The following PCDHA4 variants were observed in gnomAD, a reference collection of about 807,000 sequenced individuals.
PCDHA4 encodes the protein protocadherin alpha-4.
PCDHA4 carries 49 observed loss-of-function variants against 61.4 expected under a neutral mutation model. The observed-to-expected ratio is 0.80, with a 90% CI of 0.63 to 1.01. PCDHA4 has a LOEUF of 1.01. Ranked by LOEUF, PCDHA4 falls within the 50% of genes least tolerant of loss-of-function variation. PCDHA4 has a pLI of 0.00. For synonymous variants in PCDHA4, 590 were observed against 550.3 expected, an observed-to-expected ratio of 1.07 and a Z score of -1.01; for missense variants, 1,254 against 1,235.8, an observed-to-expected ratio of 1.01 and a Z score of -0.22.
chr5:140,870,017 G>T, intron 1 of PCDHA4: 1 of 1,613,620 alleles, frequency 6.2e-7, no homozygotes, highest in Non-Finnish European at 8.5e-7. Flanking sequence ...AGGGTCAATG[G>T]AACTTTAGAT....
chr5:140,988,411 A>G (rs2097296392), intron 3 of PCDHA4, among the ~76,000 whole-genome samples: 1 of 152,144 alleles, frequency 6.6e-6, no homozygotes, highest in South Asian at 2.1e-4. Context: ...TTCGCAGCTT[A>G]TGTAAAGAAT....
At position 140,812,160 on chromosome 5, in the gene PCDHA4, T is replaced by TTGTTGTTGTTGTTGC. The variant is rs1200150321; in HGVS notation, c.2385+2592_2385+2593insGTTGTTGTTGCTGTT. The TTGTTGTTGTTGTTGC allele has an allele frequency of 2.6e-5, 4 of 152,188 alleles. No homozygotes were observed. In the East Asian group the frequency reaches 7.7e-4, roughly 29 times the overall value. The allele number at this position is 152,188 out of a possible 1,614,324, so 9.4% of individuals were successfully genotyped here. A position where few individuals can be genotyped will look rare whatever the true frequency, so the allele number is the denominator to read the frequency against. ...TGGTTTTGGGCTTTTGTTGTTGTTG[T>TTGTTGTTGTTGTTGC]TGTTAGGAGGTTTGGATTACTGATT... On this transcript the variant is annotated intron_variant, in intron 1 of 3. Coordinates refer to ENST00000530339, the MANE Select transcript of PCDHA4 (RefSeq NM_018907.4).
rs1764160889 is a variant in PCDHA4 at position 140,808,396 on chromosome 5, T to C, written c.1209T>C (p.Asn403=). 6.2e-7 allele frequency: 1 copy of C among 1,614,162 alleles called. No individual in the cohort carries two copies. The highest frequency in any genetic ancestry group is 8.5e-7 in the Non-Finnish European group (1 of 1,180,036). ...VPFKLVSTFK[N]YYSLVLDSAL... Reference sequence around the variant, plus strand: ...TCAAGCTGGTGTCCACCTTCAAGAATTACTACTCGTTGGTGCTGGACAGTG... The same window carrying C: ...TCAAGCTGGTGTCCACCTTCAAGAACTACTACTCGTTGGTGCTGGACAGTG... The change falls in exon 1 of 4, where the codon AAT becomes AAC. Residue 403 remains asparagine, a synonymous_variant. Transcript: ENST00000530339.
intron 1 of PCDHA4, among the ~76,000 whole-genome samples, chr5:140,900,209 G>A (rs918328130): frequency 6.6e-6 from 1 of 152,146 alleles, no homozygotes; most frequent in Non-Finnish European, 1.5e-5. Context: ...GTTTCATCCA[G>A]GTTGTTGCAA....
intron 1 of PCDHA4, chr5:140,882,402 T>A (rs782437506): frequency 3.7e-6 from 6 of 1,614,052 alleles, no homozygotes; most frequent in South Asian, 1.1e-5. Flanking sequence ...GGCACCTTCG[T>A]GGGCCGCATC....
At chr5:140,838,077 A>ATAGT (rs1203070308) in intron 1 of PCDHA4, among the ~76,000 whole-genome samples, 13 of 80,664 alleles carry the variant, frequency 1.6e-4, no homozygotes, top group Non-Finnish European at 3.2e-4. Flanking sequence ...ATATATATAT[A>ATAGT]GTGTGTGTGT....
chr5:140,966,691 G>A, intron 1 of PCDHA4: 3 of 1,349,440 alleles, frequency 2.2e-6, no homozygotes, highest in Non-Finnish European at 1.9e-6. Context: ...GCGGAGGCGG[G>A]GCCCGGGCGT....
At chr5:140,836,524 C>G (rs2150262831) in intron 1 of PCDHA4, 1 of 1,613,834 alleles carries the variant, frequency 6.2e-7, no homozygotes, top group South Asian at 1.1e-5. Flanking sequence ...TTGGTGCTTA[C>G]CCTGCTGCTG....
Position 141,010,878 on chromosome 5 carries a change from A to C in PCDHA4, c.*941A>C, listed in dbSNP as rs2098418656. 1.3e-5 allele frequency: 2 copies of C among 153,770 alleles called. No homozygotes were observed. Among genetic ancestry groups the C allele is most frequent in the South Asian group, 4.1e-4 (2 of 4,830 alleles). The allele number at this position is 153,770 out of a possible 1,614,324, so 9.5% of individuals were successfully genotyped here. ...GAAAGTCTATAGCTATAAATCTTTA[A>C]AGAGAAATATGAATACAATTCCCCT... On this transcript the variant is annotated 3_prime_UTR_variant, in exon 4 of 4. Transcript: ENST00000530339.
At chr5:140,841,378 G>A in intron 1 of PCDHA4, 1 of 1,613,450 alleles carries the variant, frequency 6.2e-7, no homozygotes, top group Non-Finnish European at 8.5e-7. Context: ...TCTTGCTTCT[G>A]CTCCTCGCAG....
Position 140,808,868 on chromosome 5 carries a change from A to C in PCDHA4, c.1681A>C (p.Asn561His). ...LQVFVLDEND[N>H]APALLAPRAG... Reference sequence around the variant, plus strand: ...GGTGTTCGTGCTGGACGAAAACGACAACGCGCCAGCACTGCTAGCGCCTCG... The same window carrying C: ...GGTGTTCGTGCTGGACGAAAACGACCACGCGCCAGCACTGCTAGCGCCTCG... Residue 561 changes from asparagine to histidine, a missense_variant, in exon 1 of 4, where the codon AAC becomes CAC. Coordinates refer to ENST00000530339, the MANE Select transcript of PCDHA4 (RefSeq NM_018907.4). 1 of 1,613,184 alleles carries C rather than the reference A, an allele frequency of 6.2e-7. No homozygotes were observed. Among genetic ancestry groups the C allele is most frequent in the Non-Finnish European group, 8.5e-7 (1 of 1,179,904 alleles).
chr5:140,884,230 C>T, intron 1 of PCDHA4: 8 of 1,613,384 alleles, frequency 5.0e-6, no homozygotes, highest in Non-Finnish European at 6.8e-6. Flanking sequence ...TGAAGGACCA[C>T]GGTGAGCCCG....
At chr5:140,981,812 A>C (rs1563492177) in intron 2 of PCDHA4, among the ~76,000 whole-genome samples, 1 of 152,052 alleles carries the variant, frequency 6.6e-6, no homozygotes, top group African/African-American at 2.4e-5. Context: ...TTTATGTTCT[A>C]TCTCTGCTTG....
Position 140,808,749 on chromosome 5 carries a change from A to C in PCDHA4, c.1562A>C (p.Gln521Pro), listed in dbSNP as rs1764254328. 6.2e-7 allele frequency: 1 copy of C among 1,612,168 alleles called. No homozygotes were observed. The highest frequency in any genetic ancestry group is 8.5e-7 in the Non-Finnish European group (1 of 1,179,802). The change falls in exon 1 of 4, where the codon CAG (glutamine) becomes CCG (proline). Residue 521 changes from glutamine to proline, a missense_variant. Coordinates refer to ENST00000530339, the MANE Select transcript of PCDHA4 (RefSeq NM_018907.4). Reference sequence around the variant, plus strand: ...GAGAGCGGCAAGGTGTACGCGCTGCAGCCGCTGGACCACGAGGAGCTAGAG... The same window carrying C: ...GAGAGCGGCAAGGTGTACGCGCTGCCGCCGCTGGACCACGAGGAGCTAGAG... Reference protein sequence around the residue: ...HAESGKVYALQPLDHEELELL... With the variant: ...HAESGKVYALPPLDHEELELL...
intron 1 of PCDHA4, chr5:140,834,575 C>G (rs2150221484): frequency 6.2e-7 from 1 of 1,614,096 alleles, no homozygotes; most frequent in South Asian, 1.1e-5. Context: ...CGCGCCTGTT[C>G]CGGGCGGTGT....
Position 140,845,288 on chromosome 5 carries a change from C to T in PCDHA4, c.2385+35716C>T, listed in dbSNP as rs1304336704. ...CTTTGTGAAAGTAATATTTCCTATC[C>T]TGTCTATGTCTACCTGGTTCTCAGG... On this transcript the variant is annotated intron_variant, in intron 1 of 3. Coordinates refer to ENST00000530339, the MANE Select transcript of PCDHA4 (RefSeq NM_018907.4). Among the ~76,000 whole-genome samples the T allele has an allele frequency of 3.4e-5, 5 of 149,098 alleles. 1 individual carries two copies. Among genetic ancestry groups the T allele is most frequent in the African/African-American group, 9.8e-5 (4 of 40,716 alleles).
chr5:140,836,991 C>G (rs1167342792), intron 1 of PCDHA4: 5 of 347,512 alleles, frequency 1.4e-5, no homozygotes, highest in African/African-American at 8.6e-5. Context: ...GAGGACTTTG[C>G]TAACTGGAGC....
chr5:140,953,938 C>T (rs1349031672), intron 1 of PCDHA4, among the ~76,000 whole-genome samples: 1 of 152,088 alleles, frequency 6.6e-6, no homozygotes, highest in African/African-American at 2.4e-5. Context: ...CTCTCCCTCC[C>T]ATTGCTCCCC....
At chr5:140,882,228 T>C in intron 1 of PCDHA4, 8 of 1,564,682 alleles carry the variant, frequency 5.1e-6, no homozygotes, top group Non-Finnish European at 6.9e-6. Flanking sequence ...GGTAAGGCGT[T>C]GTATATATTG....
Sources: gnomAD v4.1 joint callset for allele counts (sites outside exome capture counted in the v4.1 genomes callset) on GRCh38, gnomAD v4.1.1 for gene constraint, MANE v1.5 for transcripts, NCBI Gene and HGNC (gene_info 2026-07-23, HGNC 2026-07-21) for gene names.